Variants in CNBD1 observed in about 807,000 individuals in gnomAD.
CNBD1 encodes cyclic nucleotide-binding domain-containing protein 1.
CNBD1 carries 71 observed loss-of-function variants against 54.4 expected under a neutral mutation model. The ratio of observed to expected loss-of-function variants is 1.30; its 90% CI spans 1.08 to 1.59. The LOEUF is 1.59. Ranked by LOEUF, CNBD1 falls within the 40% of genes most tolerant of loss-of-function variation. CNBD1 has a pLI of 0.00. For missense variants in CNBD1, 659 were observed against 518.0 expected, an observed-to-expected ratio of 1.27 and a Z score of -2.64; for synonymous variants, 182 against 170.7, an observed-to-expected ratio of 1.07 and a Z score of -0.51.
chr8:87,425,073 A>T (rs936643139), intron 2 of CNBD1, among the ~76,000 whole-genome samples: 1 of 151,368 alleles, frequency 6.6e-6, no homozygotes, highest in Non-Finnish European at 1.5e-5. Context: ...CATTCATTTC[A>T]TCTTCCATTG....
intron 8 of CNBD1, among the ~76,000 whole-genome samples, chr8:87,345,177 A>C (rs149759671): frequency 6.6e-6 from 1 of 152,270 alleles, no homozygotes; most frequent in Non-Finnish European, 1.5e-5. Flanking sequence ...CCTAGCACAC[A>C]ATATCTTATT....
chr8:86,931,265 T>C (rs1039733603), intron 3 of CNBD1, among the ~76,000 whole-genome samples: 22 of 152,110 alleles, frequency 1.4e-4, no homozygotes, highest in Admixed American at 1.3e-3. Context: ...AAGAAGTCAA[T>C]TTCCTGGCCC....
chr8:87,346,126 C>T (rs994625040), intron 8 of CNBD1, among the ~76,000 whole-genome samples: 2 of 152,092 alleles, frequency 1.3e-5, no homozygotes, highest in African/African-American at 4.8e-5. Flanking sequence ...ACCACAGCCT[C>T]TGCCTCCCTG....
chr8:87,333,990 T>A (rs370828164), intron 8 of CNBD1, among the ~76,000 whole-genome samples: 1 of 152,162 alleles, frequency 6.6e-6, no homozygotes, highest in Admixed American at 6.5e-5. Flanking sequence ...TGTTAATCCA[T>A]CTGGTCCTGG....
At chr8:86,976,470 A>G (rs192750115) in intron 4 of CNBD1, among the ~76,000 whole-genome samples, 83 of 152,026 alleles carry the variant, frequency 5.5e-4, no homozygotes, top group African/African-American at 1.5e-3. Context: ...TCTAAACACC[A>G]TTTATTAAAG....
chr8:87,214,107 G>T (rs116736343), intron 5 of CNBD1, among the ~76,000 whole-genome samples: 1 of 152,170 alleles, frequency 6.6e-6, no homozygotes, highest in African/African-American at 2.4e-5. Flanking sequence ...CTGTGGCTTT[G>T]CAGGATCCCA....
intron 4 of CNBD1, among the ~76,000 whole-genome samples, chr8:87,137,763 C>A (rs377272101): frequency 6.6e-6 from 1 of 151,906 alleles, no homozygotes; most frequent in Non-Finnish European, 1.5e-5. Flanking sequence ...AGCATATGAA[C>A]GGGAAAAGTT....
chr8:87,209,960 T>C (rs972106495), intron 5 of CNBD1, among the ~76,000 whole-genome samples: 1 of 152,186 alleles, frequency 6.6e-6, no homozygotes, highest in East Asian at 1.9e-4. Flanking sequence ...GTCACCCCCA[T>C]GCAGTTCTCA....
intron 2 of CNBD1, among the ~76,000 whole-genome samples, chr8:87,398,823 G>T (rs10087899): frequency 0.27 from 40,805 of 151,790 alleles, 6,432 homozygotes; most frequent in Middle Eastern, 0.41. Context: ...GACTTATTGG[G>T]CTTTAACTCT....
intron 4 of CNBD1, among the ~76,000 whole-genome samples, chr8:86,956,028 C>A (rs1239549958): frequency 6.6e-6 from 1 of 152,052 alleles, no homozygotes; most frequent in Non-Finnish European, 1.5e-5. Context: ...GGAAGGGATC[C>A]AGTTTCAGCT....
chr8:86,990,550 G>A (rs551858757), intron 4 of CNBD1, among the ~76,000 whole-genome samples: 2 of 152,084 alleles, frequency 1.3e-5, no homozygotes, highest in African/African-American at 2.4e-5. Flanking sequence ...ATTGGTCTAT[G>A]TGTCTGCTTT....
intron 10 of CNBD1, among the ~76,000 whole-genome samples, chr8:87,367,501 A>T (rs1810665164): frequency 1.3e-5 from 2 of 152,092 alleles, no homozygotes; most frequent in Admixed American, 6.6e-5. Context: ...TTCAGTGTGC[A>T]TGAAGGACTT....
chr8:87,390,879 G>T (rs2099713351), intron 2 of CNBD1, among the ~76,000 whole-genome samples: 1 of 152,118 alleles, frequency 6.6e-6, no homozygotes, highest in African/African-American at 2.4e-5. Context: ...AAGAAAATAT[G>T]GCACATATAC....
At position 87,341,425 on chromosome 8, in the gene CNBD1, G is replaced by A. The variant is rs186010423; in HGVS notation, c.1043-10260G>A. ...CCTAGGGGGAAACTGGTTGCTGGGA[G>A]TTTTCTCTTAATCACATAGTGCTGT... On this transcript the variant is annotated intron_variant, in intron 8 of 10. Transcript: ENST00000518476. Among the ~76,000 whole-genome samples the A allele has an allele frequency of 5.9e-4, 90 of 152,226 alleles. 1 individual carries two copies. Among genetic ancestry groups the A allele is most frequent in the African/African-American group, 2.1e-3 (87 of 41,560 alleles).
chr8:87,354,705 C>T lies in CNBD1; in HGVS notation c.1303+919C>T, dbSNP rs185010217. Among the ~76,000 whole-genome samples the T allele has an allele frequency of 1.9e-4, 29 of 152,138 alleles. No homozygotes were observed. In the East Asian group the frequency reaches 4.8e-3, roughly 25 times the overall value. ...GTTTGCTGAGAATGATAGTTTCCAG[C>T]TTCATCCATGTCCCTACAAAGGACA... On this transcript the variant is annotated intron_variant, in intron 10 of 10. Coordinates refer to ENST00000518476, the MANE Select transcript of CNBD1 (RefSeq NM_173538.3).
At chr8:86,952,059 C>T (rs1480534178) in intron 4 of CNBD1, among the ~76,000 whole-genome samples, 1 of 152,124 alleles carries the variant, frequency 6.6e-6, no homozygotes, top group Non-Finnish European at 1.5e-5. Flanking sequence ...ATCAGAAATT[C>T]AAAATAATAT....
At chr8:87,098,654 G>T (rs1017624809) in intron 4 of CNBD1, among the ~76,000 whole-genome samples, 7 of 150,836 alleles carry the variant, frequency 4.6e-5, no homozygotes, top group African/African-American at 1.5e-4. Flanking sequence ...CATAGAGTTT[G>T]ATTTATTCAT....
chr8:87,021,872 A>G (rs1379098844), intron 4 of CNBD1, among the ~76,000 whole-genome samples: 1 of 152,248 alleles, frequency 6.6e-6, no homozygotes, highest in Admixed American at 6.5e-5. Context: ...AGTATTTACC[A>G]GATTTGTGCT....
chr8:87,188,690 C>G (rs1813532920), intron 4 of CNBD1, among the ~76,000 whole-genome samples: 2 of 149,146 alleles, frequency 1.3e-5, no homozygotes, highest in Non-Finnish European at 3.0e-5. Context: ...TATGCCACTA[C>G]AAGATCACGA....
Sources: allele counts gnomAD v4.1 joint callset (sites outside exome capture counted in the v4.1 genomes callset), GRCh38; gene constraint gnomAD v4.1.1; transcripts MANE v1.5; gene names NCBI Gene and HGNC (gene_info 2026-07-23, HGNC 2026-07-21).